The following ZNF385B variants were observed in gnomAD, a reference collection of about 807,000 sequenced individuals.
ZNF385B encodes the protein zinc finger protein 385B.
In ZNF385B, 23 loss-of-function variants were observed where a neutral mutation model predicts 39.2. That is an observed-to-expected ratio of 0.59 (90% CI 0.42 to 0.83). The LOEUF (loss-of-function observed/expected upper bound fraction) is 0.83. Ranked by LOEUF, ZNF385B falls within the 40% of genes least tolerant of loss-of-function variation. ZNF385B has a pLI of 0.00. For synonymous variants in ZNF385B, 205 were observed against 222.6 expected (o/e 0.92, Z 0.70); for missense variants, 552 against 598.9 (o/e 0.92, Z 0.82).
chr2:179,454,990 T>C (rs1424550117), intron 6 of ZNF385B, among the ~76,000 whole-genome samples: 1 of 152,212 alleles, frequency 6.6e-6, no homozygotes, highest in East Asian at 1.9e-4. Context: ...TTATAAAGTC[T>C]ACAGTAATAT....
intron 5 of ZNF385B, among the ~76,000 whole-genome samples, chr2:179,502,702 T>C (rs949975218): frequency 6.6e-6 from 1 of 152,192 alleles, no homozygotes; most frequent in Admixed American, 6.6e-5. Context: ...TATGTCTTTA[T>C]AGCAGTATGA....
chr2:179,528,764 G>A (rs529117591), intron 4 of ZNF385B, among the ~76,000 whole-genome samples: 1 of 152,300 alleles, frequency 6.6e-6, no homozygotes, highest in African/African-American at 2.4e-5. Context: ...TACCTGACTG[G>A]AGCTGAATGT....
intron 3 of ZNF385B, among the ~76,000 whole-genome samples, chr2:179,676,318 G>A (rs1032876798): frequency 1.3e-4 from 19 of 151,894 alleles, no homozygotes; most frequent in South Asian, 1.0e-3. Context: ...TCGATCTCCC[G>A]ACGTCATGAT....
chr2:179,797,763 T>C (rs1293640006), intron 1 of ZNF385B, among the ~76,000 whole-genome samples: 1 of 152,198 alleles, frequency 6.6e-6, no homozygotes, highest in Non-Finnish European at 1.5e-5. Flanking sequence ...AATTGAGATC[T>C]AATCTTTGTC....
At chr2:179,683,662 G>A (rs912225454) in intron 3 of ZNF385B, among the ~76,000 whole-genome samples, 1 of 151,842 alleles carries the variant, frequency 6.6e-6, no homozygotes, top group Non-Finnish European at 1.5e-5. Context: ...TTTTAGTACA[G>A]ATGGGGTTTT....
chr2:179,686,525 G>A (rs1383471825), intron 3 of ZNF385B, among the ~76,000 whole-genome samples: 1 of 152,172 alleles, frequency 6.6e-6, no homozygotes, highest in Non-Finnish European at 1.5e-5. Context: ...TATACACTAT[G>A]TCCCTGAGTC....
At chr2:179,630,679 A>G (rs3106699) in intron 3 of ZNF385B, among the ~76,000 whole-genome samples, 152,034 of 152,360 alleles carry the variant, frequency 1, 75,855 homozygotes, top group Non-Finnish European at 1. Flanking sequence ...ACTTTCATGA[A>G]CTGACGGAAG....
chr2:179,819,274 G>C (rs1383913027), intron 1 of ZNF385B, among the ~76,000 whole-genome samples: 1 of 152,132 alleles, frequency 6.6e-6, no homozygotes, highest in African/African-American at 2.4e-5. Context: ...GGTCACCATT[G>C]AGATGTTGGT....
At chr2:179,617,382 A>G (rs1353852669) in intron 3 of ZNF385B, among the ~76,000 whole-genome samples, 3 of 152,170 alleles carry the variant, frequency 2.0e-5, no homozygotes, top group African/African-American at 7.2e-5. Context: ...GTGTGTTGAA[A>G]GCCTAGTACC....
At chr2:179,526,330 C>T (rs889292549) in intron 4 of ZNF385B, among the ~76,000 whole-genome samples, 2 of 152,058 alleles carry the variant, frequency 1.3e-5, no homozygotes, top group African/African-American at 4.8e-5. Context: ...TGGCTCACGC[C>T]TATAATCCCA....
chr2:179,774,559 A>G (rs1024988449), intron 1 of ZNF385B, among the ~76,000 whole-genome samples: 1 of 151,998 alleles, frequency 6.6e-6, no homozygotes, highest in African/African-American at 2.4e-5. Context: ...CAGGGTTTCA[A>G]CGTTGGCCAG....
At chr2:179,616,444 T>C (rs4894113) in intron 3 of ZNF385B, among the ~76,000 whole-genome samples, 50,246 of 151,916 alleles carry the variant, frequency 0.33, 8,640 homozygotes, top group Middle Eastern at 0.46. Flanking sequence ...AACGATTCTC[T>C]CGCCTCAGCC....
At chr2:179,592,910 G>A (rs1460833948) in intron 3 of ZNF385B, among the ~76,000 whole-genome samples, 1 of 152,040 alleles carries the variant, frequency 6.6e-6, no homozygotes, top group Non-Finnish European at 1.5e-5. Flanking sequence ...CATTATAAGG[G>A]AATGTCAATT....
intron 8 of ZNF385B, among the ~76,000 whole-genome samples, 193 bp downstream of exon 8, chr2:179,445,357 T>C (rs1574155324): frequency 1.3e-5 from 2 of 152,222 alleles, no homozygotes; most frequent in African/African-American, 4.8e-5. Flanking sequence ...TGACATATAG[T>C]AACAGTAGAT....
At chr2:179,777,114 A>G (rs1195667694) in intron 1 of ZNF385B, among the ~76,000 whole-genome samples, 4 of 151,696 alleles carry the variant, frequency 2.6e-5, no homozygotes, top group African/African-American at 9.7e-5. Context: ...GTAAATCAGT[A>G]TCTTTTCTGG....
chr2:179,663,627 G>A (rs1694761614), intron 3 of ZNF385B, among the ~76,000 whole-genome samples: 1 of 148,442 alleles, frequency 6.7e-6, no homozygotes, highest in Non-Finnish European at 1.5e-5. Flanking sequence ...GGAGAATGGC[G>A]TGAACTCGGG....
Position 179,729,759 on chromosome 2 carries a change from T to C in ZNF385B, c.298+39744A>G, listed in dbSNP as rs139115355. On this transcript the variant is annotated intron_variant, in intron 3 of 9. Transcript: ENST00000410066. ...GAGGCAGAGACCAGGTGGGAGGTGA[T>C]TGGATCATGGGGGCGGTTCCCCCAA... Among the ~76,000 whole-genome samples, 631 of 152,232 alleles carry C rather than the reference T, an allele frequency of 4.1e-3. 8 individuals are homozygous for C. The highest frequency in any genetic ancestry group is 0.014 in the African/African-American group (582 of 41,544).
At chr2:179,608,678 T>C (rs1689026706) in intron 3 of ZNF385B, among the ~76,000 whole-genome samples, 1 of 152,134 alleles carries the variant, frequency 6.6e-6, no homozygotes, top group Non-Finnish European at 1.5e-5. Flanking sequence ...TAAAATAACA[T>C]ACAGATTCTG....
At chr2:179,466,943 A>AAAAAGAGAGAGAG (rs1559276782) in intron 6 of ZNF385B, among the ~76,000 whole-genome samples, 1 of 145,920 alleles carries the variant, frequency 6.9e-6, no homozygotes, top group African/African-American at 2.5e-5. Flanking sequence ...AAAAAAAAAA[A>AAAAAGAGAGAGAG]AGAGAGAGAG....
Sources: gnomAD v4.1 joint callset for allele counts (sites outside exome capture counted in the v4.1 genomes callset) on GRCh38, gnomAD v4.1.1 for gene constraint, MANE v1.5 for transcripts, NCBI Gene and HGNC (gene_info 2026-07-23, HGNC 2026-07-21) for gene names.